Variants in ANO6 observed in about 807,000 individuals in gnomAD.
ANO6 encodes anoctamin-6.
ANO6 carries 106 observed loss-of-function variants against 117.5 expected under a neutral mutation model. The ratio of observed to expected loss-of-function variants is 0.90; its 90% CI spans 0.77 to 1.06. The LOEUF (loss-of-function observed/expected upper bound fraction) is 1.06. ANO6 is among the 50% of genes least tolerant of loss of function. The pLI is 0.00. For synonymous variants in ANO6, 367 were observed against 385.1 expected (o/e 0.95, Z 0.55); for missense variants, 955 against 1,121.1 (o/e 0.85, Z 2.12).
At position 45,227,137 on chromosome 12, in the gene ANO6, C is replaced by A. The variant is rs149622640; in HGVS notation, c.70+10746C>A. Among the ~76,000 whole-genome samples the A allele has an allele frequency of 3.3e-5, 5 of 151,770 alleles. No individual in the cohort carries two copies. The East Asian group carries it at 5.8e-4, about 18-fold the overall frequency. On this transcript the variant is annotated intron_variant, in intron 1 of 19. Coordinates refer to ENST00000320560, the MANE Select transcript of ANO6 (RefSeq NM_001025356.3). The stretch of plus-strand genomic sequence containing the variant: ...CCGAGTAACTGGGATTACAGGTGCA[C>A]GCCACCATGCCTGGCTAATTTTTTG...
At chr12:45,285,311 A>G (rs1374525978) in intron 1 of ANO6, among the ~76,000 whole-genome samples, 1 of 152,254 alleles carries the variant, frequency 6.6e-6, no homozygotes, top group East Asian at 1.9e-4. Context: ...GCACCTGAAT[A>G]TAATTTTAAG....
At chr12:45,384,428 G>A (rs1225328308) in intron 10 of ANO6, among the ~76,000 whole-genome samples, 3 of 152,166 alleles carry the variant, frequency 2.0e-5, no homozygotes, top group African/African-American at 4.8e-5. Flanking sequence ...CCTAGCTTTC[G>A]ATATGCCTTC....
rs1947305081 is a variant in ANO6 at position 45,216,134 on chromosome 12, G to T, written c.-188G>T. ...GCTCGGCAGGCGAGAGGCGTCCTCC[G>T]GCTCTGGGCTCCGGTCGGTGGGTGC... On this transcript the variant is annotated 5_prime_UTR_variant, in exon 1 of 20. Coordinates refer to ENST00000320560, the MANE Select transcript of ANO6 (RefSeq NM_001025356.3). 1.6e-5 allele frequency: 10 copies of T among 623,218 alleles called. No homozygotes were observed. In the South Asian group the frequency reaches 2.0e-4, roughly 12 times the overall value. The allele number at this position is 623,218 out of a possible 1,614,324, so 38.6% of individuals were successfully genotyped here.
chr12:45,270,460 A>G (rs1317889389), intron 1 of ANO6: 2 of 1,523,730 alleles, frequency 1.3e-6, no homozygotes, highest in South Asian at 1.2e-5. Context: ...CTCATCCTTC[A>G]GGTGATGTTC....
Position 45,303,792 on chromosome 12 carries a change from A to T in ANO6, c.150+1699A>T, listed in dbSNP as rs538158761. 4.1e-4 allele frequency among the ~76,000 whole-genome samples: 63 copies of T among 152,340 alleles called. 1 individual carries two copies. The highest frequency in any genetic ancestry group is 1.5e-3 in the African/African-American group (63 of 41,586). On this transcript the variant is annotated intron_variant, in intron 2 of 19. Transcript: ENST00000320560. ...CACAGAATACATTTACCTTATTGAA[A>T]GACTTGTTTTCACAGTGAATCTGAG...
At chr12:45,241,186 C>A (rs887207817) in intron 1 of ANO6, among the ~76,000 whole-genome samples, 3 of 152,212 alleles carry the variant, frequency 2.0e-5, no homozygotes, top group African/African-American at 7.2e-5. Context: ...TTCAGGTACA[C>A]CAATCAAACA....
intron 1 of ANO6, among the ~76,000 whole-genome samples, chr12:45,297,523 A>C (rs1475974500): frequency 2.6e-5 from 4 of 152,172 alleles, no homozygotes; most frequent in Non-Finnish European, 4.4e-5. Context: ...TAGTTACTCC[A>C]TTTCTAATTG....
Position 45,278,293 on chromosome 12 carries a change from A to G in ANO6, c.71-23721A>G, listed in dbSNP as rs145388716. ...TTTTTAAAGGAAAAAAGTGTCCTTC[A>G]GTTTGTTTTCAGTCGTGGGAGAAAG... is the stretch of plus-strand genomic sequence containing the variant. On this transcript the variant is annotated intron_variant, in intron 1 of 19. Transcript: ENST00000320560. Among the ~76,000 whole-genome samples the G allele has an allele frequency of 1.2e-3, 189 of 152,276 alleles. 1 individual carries two copies. The highest frequency in any genetic ancestry group is 4.4e-3 in the African/African-American group (183 of 41,560).
chr12:45,375,464 G>C (rs1279986312), intron 9 of ANO6, among the ~76,000 whole-genome samples: 1 of 152,116 alleles, frequency 6.6e-6, no homozygotes, highest in African/African-American at 2.4e-5. Context: ...ATACTACAAG[G>C]CTACAGTAAC....
chr12:45,412,825 A>G (rs1943120558), intron 16 of ANO6, among the ~76,000 whole-genome samples: 1 of 152,216 alleles, frequency 6.6e-6, no homozygotes. Flanking sequence ...CGCTTGGTGC[A>G]TGGTTAAGGA....
intron 2 of ANO6, among the ~76,000 whole-genome samples, chr12:45,324,311 A>G (rs1414530023): frequency 6.6e-6 from 1 of 152,226 alleles, no homozygotes; most frequent in Non-Finnish European, 1.5e-5. Flanking sequence ...TTTCCACACC[A>G]CAAAGAACAG....
Position 45,372,276 on chromosome 12 carries a change from G to A in ANO6, c.1104+4483G>A, listed in dbSNP as rs1319145723. On this transcript the variant is annotated intron_variant, in intron 9 of 19. Coordinates refer to ENST00000320560, the MANE Select transcript of ANO6 (RefSeq NM_001025356.3). ...TGATGGGGAGAATGGAACCAAGTTGGAAAACACTCTGCAGGATATTATCCA... is the reference window on the plus strand; with the variant it reads ...TGATGGGGAGAATGGAACCAAGTTGAAAAACACTCTGCAGGATATTATCCA... Among the ~76,000 whole-genome samples, 62 of 141,882 alleles carry A rather than the reference G, an allele frequency of 4.4e-4. 1 individual carries two copies. Among genetic ancestry groups the A allele is most frequent in the Non-Finnish European group, 1.7e-4 (11 of 65,056 alleles). 93.1% of individuals were successfully genotyped at this position (141,882 alleles called of 152,430 possible).
chr12:45,432,354 A>G (rs973169652), downstream of ANO6: 6 of 810,828 alleles, frequency 7.4e-6, no homozygotes, highest in East Asian at 3.9e-4. Flanking sequence ...AAACAATAGT[A>G]TGGTCTATTC....
chr12:45,421,376 A>G (rs113593157), intron 18 of ANO6, 103 bp downstream of exon 18: 41 of 1,221,684 alleles, frequency 3.4e-5, no homozygotes, highest in South Asian at 2.0e-4. Context: ...TTATTTCTTT[A>G]TAACTTCAGG....
intron 3 of ANO6, among the ~76,000 whole-genome samples, chr12:45,336,898 C>G (rs1007057371): frequency 6.6e-6 from 1 of 151,994 alleles, no homozygotes; most frequent in African/African-American, 2.4e-5. Context: ...ATTTCTGTTC[C>G]TGCCCCTGAA....
chr12:45,373,780 C>G (rs1941918851), intron 9 of ANO6, among the ~76,000 whole-genome samples: 1 of 151,868 alleles, frequency 6.6e-6, no homozygotes, highest in African/African-American at 2.4e-5. Context: ...AAATTGACAC[C>G]CTAACATCAC....
At chr12:45,382,164 G>T (rs1388193125) in intron 10 of ANO6, among the ~76,000 whole-genome samples, 9 of 152,074 alleles carry the variant, frequency 5.9e-5, no homozygotes, top group Non-Finnish European at 2.9e-5. Context: ...AAATAATTTG[G>T]TTTTTACTGA....
At chr12:45,266,388 G>A (rs992584543) in intron 1 of ANO6, among the ~76,000 whole-genome samples, 32 of 152,082 alleles carry the variant, frequency 2.1e-4, no homozygotes, top group African/African-American at 5.8e-4. Flanking sequence ...TTGCATTGTG[G>A]TCTGAGACCG....
At chr12:45,224,966 A>G (rs940613075) in intron 1 of ANO6, among the ~76,000 whole-genome samples, 2 of 152,138 alleles carry the variant, frequency 1.3e-5, no homozygotes, top group African/African-American at 4.8e-5. Flanking sequence ...CAAGGTGGGA[A>G]TATTGCTTGA....
Sources: gnomAD v4.1 joint callset for allele counts (sites outside exome capture counted in the v4.1 genomes callset) on GRCh38, gnomAD v4.1.1 for gene constraint, MANE v1.5 for transcripts, NCBI Gene and HGNC (gene_info 2026-07-23, HGNC 2026-07-21) for gene names.